FRAS1: variants seen among roughly 807,000 people sequenced by gnomAD.
FRAS1 encodes the protein extracellular matrix organizing protein FRAS1.
A neutral mutation model predicts 435.2 loss-of-function variants in FRAS1; 290 were observed. That is an observed-to-expected ratio of 0.67 (90% CI 0.61 to 0.73). FRAS1 has a LOEUF of 0.73. FRAS1 is among the 30% of genes least tolerant of loss of function. The probability of loss-of-function intolerance (pLI) is 0.00; values close to 1 mark genes in which losing one functional copy is unlikely to be tolerated. For missense variants in FRAS1, 4,860 were observed against 5,001.5 expected (o/e 0.97, Z 0.85); for synonymous variants, 1,800 against 1,851.0 (o/e 0.97, Z 0.71).
intron 28 of FRAS1, among the ~76,000 whole-genome samples, chr4:78,385,076 A>G (rs771511791): frequency 1.6e-4 from 25 of 152,156 alleles, no homozygotes; most frequent in Admixed American, 8.5e-4. Context: ...GACATAAGGA[A>G]GTCATGGTAG....
intron 29 of FRAS1, among the ~76,000 whole-genome samples, chr4:78,394,286 C>T (rs1313944974): frequency 6.6e-6 from 1 of 151,882 alleles, no homozygotes; most frequent in Non-Finnish European, 1.5e-5. Context: ...AAATAGTTGC[C>T]AAGACCTATA....
At chr4:78,446,565 T>A in intron 42 of FRAS1, 162 bp from the exon 43 acceptor site, 1 of 1,385,288 alleles carries the variant, frequency 7.2e-7, no homozygotes, top group Non-Finnish European at 9.3e-7. Flanking sequence ...GGACTTGCTC[T>A]CTTTTCAAAC....
intron 45 of FRAS1, among the ~76,000 whole-genome samples, chr4:78,451,160 A>G (rs887583317): frequency 3.3e-5 from 5 of 152,154 alleles, no homozygotes; most frequent in African/African-American, 1.2e-4. Flanking sequence ...CTCTTCCCAG[A>G]GATTTGGTTA....
At chr4:78,210,725 C>G (rs181952419) in intron 2 of FRAS1, among the ~76,000 whole-genome samples, 239 of 152,310 alleles carry the variant, frequency 1.6e-3, no homozygotes, top group Non-Finnish European at 2.9e-3. Flanking sequence ...ATGGCAGCAT[C>G]TGAGACAGAG....
chr4:78,200,905 A>ATATATATATATGTATATATATAAATACG (rs1723027247), intron 2 of FRAS1, among the ~76,000 whole-genome samples: 5 of 79,246 alleles, frequency 6.3e-5, no homozygotes, highest in South Asian at 1.8e-3. Context: ...ATAAATACGT[A>ATATATATATATGTATATATATAAATACG]TATATATATA....
intron 22 of FRAS1, among the ~76,000 whole-genome samples, chr4:78,369,195 G>A (rs1008936556): frequency 5.3e-5 from 8 of 152,204 alleles, no homozygotes; most frequent in Non-Finnish European, 1.2e-4. Context: ...TAGGAGTCAG[G>A]GAAAGAGAGG....
rs541001086 is a variant in FRAS1, at chr4:78,128,371, A to G, written c.108+62355A>G. ...TGAACTAGTTTACAGTCCCACCAAC[A>G]GTGTAAACATGTTCCTATTTCTCCA... On this transcript the variant is annotated intron_variant, in intron 2 of 73. Transcript: ENST00000512123. Among the ~76,000 whole-genome samples, 61 of 152,350 alleles carry G rather than the reference A, an allele frequency of 4.0e-4. 2 individuals carry two copies. The highest frequency in any genetic ancestry group is 1.4e-3 in the African/African-American group (60 of 41,574).
intron 4 of FRAS1, 137 bp from the exon 5 acceptor site, chr4:78,252,255 C>T: frequency 1.3e-6 from 1 of 781,294 alleles, no homozygotes; most frequent in Non-Finnish European, 2.0e-6. Flanking sequence ...CTCAACCTTG[C>T]AAGCTCATAG....
intron 23 of FRAS1, among the ~76,000 whole-genome samples, chr4:78,371,607 T>G (rs908270027): frequency 6.6e-6 from 1 of 152,154 alleles, no homozygotes; most frequent in Admixed American, 6.6e-5. Flanking sequence ...ACCAGGATAA[T>G]ATAGATAAAA....
intron 9 of FRAS1, among the ~76,000 whole-genome samples, chr4:78,274,340 T>G (rs1372288984): frequency 6.6e-6 from 1 of 152,210 alleles, no homozygotes; most frequent in Non-Finnish European, 1.5e-5. Flanking sequence ...TCTTAGTTAT[T>G]TCTTGCCTTC....
chr4:78,267,054 A>T lies in FRAS1; in HGVS notation c.789+119A>T. Reference sequence around the variant, plus strand: ...AAAGTTTTATAATGTTTGCAAAGTTACATAAAGATATGAAGGCTCTGCTTC... The same window carrying T: ...AAAGTTTTATAATGTTTGCAAAGTTTCATAAAGATATGAAGGCTCTGCTTC... On this transcript the variant is annotated intron_variant, in intron 8 of 73. Transcript: ENST00000512123. 2.2e-6 allele frequency: 2 copies of T among 916,222 alleles called. 1 individual carries two copies. Among genetic ancestry groups the T allele is most frequent in the South Asian group, 3.1e-5 (2 of 64,324 alleles). 56.8% of individuals were successfully genotyped at this position (916,222 alleles called of 1,614,324 possible).
At chr4:78,474,124 C>A (rs7661794) in intron 53 of FRAS1, among the ~76,000 whole-genome samples, 22 of 151,980 alleles carry the variant, frequency 1.4e-4, no homozygotes, top group Admixed American at 8.5e-4. Flanking sequence ...TGTTCCCAAC[C>A]CTGTTTTCTC....
intron 2 of FRAS1, among the ~76,000 whole-genome samples, chr4:78,175,969 T>C (rs751927628): frequency 1.3e-5 from 2 of 152,166 alleles, no homozygotes; most frequent in Non-Finnish European, 2.9e-5. Context: ...TGCCGTCTCT[T>C]GGTGAGTGCC....
chr4:78,308,728 C>G (rs1450660587), intron 15 of FRAS1, among the ~76,000 whole-genome samples: 2 of 152,218 alleles, frequency 1.3e-5, no homozygotes, highest in Non-Finnish European at 2.9e-5. Context: ...CTTCCTTGAA[C>G]CAGGCACGGT....
intron 2 of FRAS1, among the ~76,000 whole-genome samples, chr4:78,176,230 G>C (rs942525849): frequency 1.3e-5 from 2 of 152,222 alleles, no homozygotes; most frequent in Non-Finnish European, 2.9e-5. Context: ...TAAGAAAAAG[G>C]ACTGAAAACT....
In FRAS1 at chr4:78,447,572, C is replaced by T. The variant is rs143261467; in HGVS notation, c.6011-481C>T. Among the ~76,000 whole-genome samples the T allele has an allele frequency of 1.1e-3, 166 of 152,182 alleles. 1 individual carries two copies. The highest frequency in any genetic ancestry group is 3.5e-3 in the African/African-American group (147 of 41,518). Reference sequence around the variant, plus strand: ...ATGAAGCACTTTGACTGTCCCACTGCGGTACATGACCCTTGAGAACAGAAA... The same window carrying T: ...ATGAAGCACTTTGACTGTCCCACTGTGGTACATGACCCTTGAGAACAGAAA... On this transcript the variant is annotated intron_variant, in intron 43 of 73. Coordinates refer to ENST00000512123, the MANE Select transcript of FRAS1 (RefSeq NM_025074.7).
intron 2 of FRAS1, among the ~76,000 whole-genome samples, chr4:78,207,320 A>G (rs576612026): frequency 6.6e-6 from 1 of 152,332 alleles, no homozygotes; most frequent in South Asian, 2.1e-4. Context: ...ATACTCCCAA[A>G]TCTGAGACTA....
chr4:78,291,404 C>T (rs1009090126), intron 14 of FRAS1, among the ~76,000 whole-genome samples: 1 of 152,158 alleles, frequency 6.6e-6, no homozygotes, highest in African/African-American at 2.4e-5. Context: ...GGTTTGCACT[C>T]ACTCCTATGA....
At chr4:78,398,444 G>A (rs1578298401) in intron 29 of FRAS1, among the ~76,000 whole-genome samples, 1 of 152,198 alleles carries the variant, frequency 6.6e-6, no homozygotes, top group African/African-American at 2.4e-5. Flanking sequence ...GTCACAAGGT[G>A]TATTGTCTAA....
Sources: gnomAD v4.1 joint callset for allele counts (sites outside exome capture counted in the v4.1 genomes callset) on GRCh38, gnomAD v4.1.1 for gene constraint, MANE v1.5 for transcripts, NCBI Gene and HGNC (gene_info 2026-07-23, HGNC 2026-07-21) for gene names.